The following DPP6 variants were observed in gnomAD, a reference collection of about 807,000 sequenced individuals.
The protein encoded by DPP6 is A-type potassium channel modulatory protein DPP6.
DPP6 carries 69 observed loss-of-function variants against 122.6 expected under a neutral mutation model. The observed-to-expected ratio is 0.56, with a 90% CI of 0.46 to 0.69. DPP6 has a LOEUF of 0.69. Among genes scored for constraint, DPP6 ranks in the 30% least tolerant of loss-of-function variants. The probability of loss-of-function intolerance (pLI) is 0.00; values close to 1 mark genes in which losing one functional copy is unlikely to be tolerated. For missense variants in DPP6, 928 were observed against 1,116.9 expected (o/e 0.83, Z 2.41); for synonymous variants, 418 against 433.1 (o/e 0.97, Z 0.43).
intron 6 of DPP6, among the ~76,000 whole-genome samples, chr7:154,646,754 T>G (rs1836509572): frequency 6.6e-6 from 1 of 152,156 alleles, no homozygotes; most frequent in African/African-American, 2.4e-5. Flanking sequence ...CAGTAGCTGT[T>G]GCACAGGGTG....
intron 8 of DPP6, among the ~76,000 whole-genome samples, chr7:154,742,748 A>T (rs1473169780): frequency 6.6e-6 from 1 of 152,240 alleles, no homozygotes; most frequent in African/African-American, 2.4e-5. Context: ...GTTCTATGCC[A>T]GGACAAAGAA....
chr7:154,597,472 G>C (rs901634935), intron 5 of DPP6, among the ~76,000 whole-genome samples: 2 of 152,046 alleles, frequency 1.3e-5, no homozygotes, highest in Non-Finnish European at 2.9e-5. Context: ...AGTTAGCCAG[G>C]CGTGGTGGCA....
intron 13 of DPP6, 85 bp downstream of exon 13, chr7:154,801,547 T>TGC: frequency 6.2e-6 from 9 of 1,456,386 alleles, no homozygotes; most frequent in African/African-American, 1.4e-5. Context: ...TGGGCACACT[T>TGC]GCGTTTTCGA....
intron 1 of DPP6, among the ~76,000 whole-genome samples, chr7:153,893,198 C>A (rs1799278004): frequency 6.6e-6 from 1 of 152,160 alleles, no homozygotes; most frequent in African/African-American, 2.4e-5. Context: ...CATATATCCA[C>A]TGGGTCTGAG....
At chr7:154,000,797 G>A (rs1337169466) in intron 1 of DPP6, among the ~76,000 whole-genome samples, 1 of 152,038 alleles carries the variant, frequency 6.6e-6, no homozygotes, top group Non-Finnish European at 1.5e-5. Flanking sequence ...AGGCCACTGC[G>A]ACCTCTCTTT....
intron 1 of DPP6, among the ~76,000 whole-genome samples, chr7:153,927,642 T>C (rs1800962391): frequency 1.3e-5 from 2 of 152,232 alleles, no homozygotes; most frequent in African/African-American, 4.8e-5. Flanking sequence ...TGTGTTCTTA[T>C]ACATTTTTAT....
intron 1 of DPP6, among the ~76,000 whole-genome samples, chr7:154,113,376 T>C (rs1806733720): frequency 6.6e-6 from 1 of 150,386 alleles, no homozygotes; most frequent in Non-Finnish European, 1.5e-5. Context: ...CACATCCTTG[T>C]CAACATTTGT....
At chr7:154,202,542 A>G (rs1799226506) in intron 1 of DPP6, among the ~76,000 whole-genome samples, 1 of 152,046 alleles carries the variant, frequency 6.6e-6, no homozygotes, top group African/African-American at 2.4e-5. Context: ...GTTTCCCCCA[A>G]ACCGGACGTG....
chr7:154,408,863 G>A (rs190115811), intron 1 of DPP6, among the ~76,000 whole-genome samples: 21 of 151,942 alleles, frequency 1.4e-4, no homozygotes, highest in African/African-American at 4.1e-4. Context: ...TGTTAAGGCC[G>A]GGCCTGGTGG....
Position 154,880,870 on chromosome 7 carries a change from CCCT to C in DPP6, c.2079-13_2079-11del, listed in dbSNP as rs764871871. On this transcript the variant is annotated splice_polypyrimidine_tract_variant and intron_variant, in intron 20 of 25. Coordinates refer to ENST00000377770, the MANE Select transcript of DPP6 (RefSeq NM_130797.4). ...CAGGATGTGCACTGAACCCTCTTTCCCCTCCTCGACCTCACAGGACGATGCTGA... is the reference window on the plus strand; with the variant it reads ...CAGGATGTGCACTGAACCCTCTTTCCCCTCGACCTCACAGGACGATGCTGA... The C allele has an allele frequency of 3.8e-5, 62 of 1,613,860 alleles. No individual in the cohort carries two copies. The highest frequency in any genetic ancestry group is 4.8e-5 in the Non-Finnish European group (57 of 1,179,898).
chr7:154,584,945 C>T (rs1832340322), intron 5 of DPP6, among the ~76,000 whole-genome samples: 1 of 152,152 alleles, frequency 6.6e-6, no homozygotes. Context: ...ATATGTATAG[C>T]TAGTTTTTGT....
At chr7:153,832,863 AAGAC>A in the DPP6 span, among the ~76,000 whole-genome samples, 2 of 152,192 alleles carry the variant, frequency 1.3e-5, no homozygotes, top group African/African-American at 2.4e-5. Flanking sequence ...TTCCATTTCC[AAGAC>A]TCATGTCGTG....
intron 7 of DPP6, among the ~76,000 whole-genome samples, chr7:154,726,416 C>T (rs1469528247): frequency 6.6e-6 from 1 of 152,334 alleles, no homozygotes. Context: ...GGCTTAATAC[C>T]AAGTGGAAGC....
intron 1 of DPP6, among the ~76,000 whole-genome samples, chr7:153,935,922 G>A (rs1801415177): frequency 6.6e-6 from 1 of 152,192 alleles, no homozygotes; most frequent in South Asian, 2.1e-4. Context: ...ACTCTCCAAA[G>A]GCCTGGCCCG....
At chr7:153,757,299 A>T in the DPP6 span, among the ~76,000 whole-genome samples, 6 of 152,244 alleles carry the variant, frequency 3.9e-5, no homozygotes. Context: ...GCATTTAGGC[A>T]TTATGAGACA....
At chr7:154,318,546 T>C (rs1224036408) in intron 1 of DPP6, among the ~76,000 whole-genome samples, 2 of 152,186 alleles carry the variant, frequency 1.3e-5, no homozygotes, top group East Asian at 3.9e-4. Flanking sequence ...TGTACACTGA[T>C]AAAACTTCTT....
chr7:154,289,874 G>C (rs569009992), intron 1 of DPP6, among the ~76,000 whole-genome samples: 2 of 152,302 alleles, frequency 1.3e-5, no homozygotes, highest in South Asian at 2.1e-4. Context: ...TCCTGACCGA[G>C]TCTCATCCCA....
chr7:154,060,322 TC>T (rs1267241138), intron 1 of DPP6, among the ~76,000 whole-genome samples: 1 of 129,366 alleles, frequency 7.7e-6, no homozygotes, highest in South Asian at 2.6e-4. Flanking sequence ...AGGACCCCCA[TC>T]GCAGGAGGGG....
At chr7:154,555,505 T>C (rs113955189) in intron 4 of DPP6, among the ~76,000 whole-genome samples, 2 of 152,058 alleles carry the variant, frequency 1.3e-5, no homozygotes, top group South Asian at 2.1e-4. Flanking sequence ...TTAGGAGATA[T>C]ACCTAATGCT....
Sources: gnomAD v4.1 joint callset for allele counts (sites outside exome capture counted in the v4.1 genomes callset) on GRCh38, gnomAD v4.1.1 for gene constraint, MANE v1.5 for transcripts, NCBI Gene and HGNC (gene_info 2026-07-23, HGNC 2026-07-21) for gene names.